WDR7: variants seen among roughly 807,000 people sequenced by gnomAD.
The protein encoded by WDR7 is WD repeat domain 7.
A neutral mutation model predicts 169.4 loss-of-function variants in WDR7; 46 were observed. That is an observed-to-expected ratio of 0.27 (90% CI 0.21 to 0.35). The LOEUF (loss-of-function observed/expected upper bound fraction) is 0.35, where lower values mean the gene tolerates loss of function less well. WDR7 is among the 10% of genes least tolerant of loss of function. WDR7 has a pLI of 1.00. For synonymous variants in WDR7, 612 were observed against 666.8 expected (o/e 0.92, Z 1.27); for missense variants, 1,534 against 1,859.3 (o/e 0.83, Z 3.22).
At chr18:56,983,647 G>T (rs1006852556) in intron 26 of WDR7, among the ~76,000 whole-genome samples, 11 of 151,606 alleles carry the variant, frequency 7.3e-5, no homozygotes, top group African/African-American at 2.7e-4. Flanking sequence ...CATCAACAAA[G>T]AAATTATTTT....
chr18:56,825,336 T>G (rs1435901716), intron 20 of WDR7, among the ~76,000 whole-genome samples: 2 of 152,242 alleles, frequency 1.3e-5, no homozygotes, highest in Non-Finnish European at 2.9e-5. Flanking sequence ...CTTTGCAAAC[T>G]TATGTAAAAG....
chr18:56,661,631 G>A (rs1005882783), intron 1 of WDR7, among the ~76,000 whole-genome samples: 1 of 152,150 alleles, frequency 6.6e-6, no homozygotes, highest in African/African-American at 2.4e-5. Context: ...CTCATTGAGA[G>A]TACAGTATAT....
intron 26 of WDR7, among the ~76,000 whole-genome samples, chr18:57,002,428 G>A (rs1244981979): frequency 1.3e-5 from 2 of 152,128 alleles, no homozygotes; most frequent in Admixed American, 6.6e-5. Flanking sequence ...TATTTCTGTA[G>A]TCAGACTTTA....
chr18:56,882,436 T>C (rs939412954), intron 21 of WDR7, among the ~76,000 whole-genome samples: 2 of 152,258 alleles, frequency 1.3e-5, no homozygotes, highest in African/African-American at 4.8e-5. Flanking sequence ...CAAAATATAT[T>C]TTCACAGTAT....
chr18:56,933,883 T>G (rs981362859), intron 22 of WDR7, among the ~76,000 whole-genome samples: 9 of 152,230 alleles, frequency 5.9e-5, no homozygotes, highest in African/African-American at 2.2e-4. Flanking sequence ...CTGCACCCAG[T>G]TCTTCCTCTG....
chr18:56,821,454 T>C (rs1300091760), intron 20 of WDR7, among the ~76,000 whole-genome samples: 4 of 152,146 alleles, frequency 2.6e-5, no homozygotes, highest in Non-Finnish European at 5.9e-5. Context: ...CCTACCTGAT[T>C]CCAAAGCTGA....
At chr18:56,706,031 A>G (rs2510188) in intron 12 of WDR7, among the ~76,000 whole-genome samples, 14,697 of 152,206 alleles carry the variant, frequency 0.097, 865 homozygotes, top group Non-Finnish European at 0.13. Flanking sequence ...AATGACCAAC[A>G]GATCAGAGTG....
intron 20 of WDR7, among the ~76,000 whole-genome samples, chr18:56,823,645 AT>A (rs548609515): frequency 7.6e-4 from 116 of 152,244 alleles, no homozygotes; most frequent in African/African-American, 2.6e-3. Flanking sequence ...ACCTTCTTTC[AT>A]ATGTATACCT....
intron 26 of WDR7, among the ~76,000 whole-genome samples, chr18:57,011,741 T>C (rs1308060236): frequency 1.3e-5 from 2 of 152,240 alleles, no homozygotes; most frequent in African/African-American, 4.8e-5. Flanking sequence ...AAGGGCAGCA[T>C]CTAGTCTTAT....
chr18:56,695,222 C>T (rs11151975), intron 11 of WDR7, 24 bp downstream of exon 11: 1 of 1,600,048 alleles, frequency 6.2e-7, no homozygotes, highest in Non-Finnish European at 8.5e-7. Context: ...CTCCGTATGT[C>T]TAAAGTGTTT....
chr18:56,779,425 T>C lies in WDR7; in HGVS notation c.2948-6T>C. The stretch of plus-strand genomic sequence containing the variant: ...AAGAATTTGTAATATATTACATTTT[T>C]GACAGGTTGGAGTCAGTTAGCTGCT... On this transcript the variant is annotated splice_polypyrimidine_tract_variant and splice_region_variant and intron_variant, in intron 17 of 27. Coordinates refer to ENST00000254442, the MANE Select transcript of WDR7 (RefSeq NM_015285.3). 1 of 1,593,252 alleles carries C rather than the reference T, an allele frequency of 6.3e-7. No homozygotes were observed. The highest frequency in any genetic ancestry group is 1.3e-5 in the African/African-American group (1 of 74,248).
At chr18:56,659,062 C>T (rs1387696654) in intron 1 of WDR7, among the ~76,000 whole-genome samples, 3 of 152,088 alleles carry the variant, frequency 2.0e-5, no homozygotes, top group East Asian at 1.9e-4. Flanking sequence ...ATTACTAGGC[C>T]TTAGTGACTG....
chr18:56,962,356 C>A, intron 25 of WDR7, 74 bp from the exon 26 acceptor site: 1 of 1,120,032 alleles, frequency 8.9e-7, no homozygotes, highest in Non-Finnish European at 1.4e-6. Context: ...TGAAATGTTG[C>A]TGTCCACTTC....
chr18:56,690,526 G>A (rs2025541526), intron 7 of WDR7, among the ~76,000 whole-genome samples: 4 of 152,062 alleles, frequency 2.6e-5, no homozygotes, highest in South Asian at 4.1e-4. Context: ...TAGAAATGTT[G>A]CTACTGGGCC....
intron 16 of WDR7, among the ~76,000 whole-genome samples, chr18:56,765,302 T>C (rs2044044718): frequency 6.6e-6 from 1 of 152,066 alleles, no homozygotes; most frequent in Non-Finnish European, 1.5e-5. Flanking sequence ...CTTCGTTGCA[T>C]TTATTTTTTG....
At chr18:56,747,564 G>A (rs17090341) in intron 14 of WDR7, among the ~76,000 whole-genome samples, 2,162 of 152,250 alleles carry the variant, frequency 0.014, 55 homozygotes, top group African/African-American at 0.045. Context: ...AGAAAAGTGC[G>A]TAGTTCATTG....
downstream of WDR7, chr18:57,034,353 A>C (rs971761425): frequency 6.6e-6 from 1 of 152,270 alleles, no homozygotes; most frequent in Non-Finnish European, 1.5e-5. Flanking sequence ...CTGTCTGCCC[A>C]GGCCTGGGCA....
At chr18:56,991,369 T>G (rs1020092600) in intron 26 of WDR7, among the ~76,000 whole-genome samples, 5 of 152,028 alleles carry the variant, frequency 3.3e-5, no homozygotes, top group Admixed American at 6.6e-5. Flanking sequence ...ATGGTCTCGA[T>G]CTTCTGACCT....
At chr18:56,881,710 C>G (rs973925795) in intron 21 of WDR7, among the ~76,000 whole-genome samples, 25 of 152,210 alleles carry the variant, frequency 1.6e-4, no homozygotes, top group African/African-American at 6.0e-4. Context: ...CTCAGCCTCC[C>G]AAGTAGCCAG....
Sources: gnomAD v4.1 joint callset for allele counts (sites outside exome capture counted in the v4.1 genomes callset) on GRCh38, gnomAD v4.1.1 for gene constraint, MANE v1.5 for transcripts, NCBI Gene and HGNC (gene_info 2026-07-23, HGNC 2026-07-21) for gene names.